Variants in SORL1 observed in about 807,000 individuals in gnomAD.
The protein encoded by SORL1 is sortilin-related receptor.
A neutral mutation model predicts 273.7 loss-of-function variants in SORL1; 127 were observed. That is an observed-to-expected ratio of 0.46 (90% CI 0.40 to 0.54). The LOEUF (loss-of-function observed/expected upper bound fraction) is 0.54. SORL1 is among the 20% of genes least tolerant of loss of function. The pLI is 0.00. For synonymous variants in SORL1, 1,031 were observed against 1,067.4 expected (o/e 0.97, Z 0.66); for missense variants, 2,494 against 2,846.1 (o/e 0.88, Z 2.81).
intron 7 of SORL1, 94 bp downstream of exon 7, chr11:121,513,198 A>G: frequency 1.1e-6 from 1 of 925,510 alleles, no homozygotes; most frequent in South Asian, 1.3e-5. Context: ...GCTGGAGTGG[A>G]TATTTTATGG....
chr11:121,539,659 G>T (rs191280656), intron 12 of SORL1, among the ~76,000 whole-genome samples: 3 of 151,652 alleles, frequency 2.0e-5, no homozygotes, highest in African/African-American at 7.3e-5. Flanking sequence ...GTTATTCAAA[G>T]ATTTTTTTCT....
chr11:121,611,451 A>AT, intron 39 of SORL1: 1 of 236,332 alleles, frequency 4.2e-6, no homozygotes, highest in African/African-American at 2.3e-5. Context: ...TTAACAGAAT[A>AT]TGTATGCCCT....
chr11:121,527,263 A>AT (rs967553965), intron 11 of SORL1, among the ~76,000 whole-genome samples: 1 of 151,598 alleles, frequency 6.6e-6, no homozygotes, highest in African/African-American at 2.4e-5. Flanking sequence ...TATTAAAATG[A>AT]TTTTTTTCTA....
At chr11:121,463,085 G>A (rs1861027272) in intron 1 of SORL1, among the ~76,000 whole-genome samples, 1 of 152,126 alleles carries the variant, frequency 6.6e-6, no homozygotes, top group Non-Finnish European at 1.5e-5. Context: ...GCTCTCTTGA[G>A]GGGGTATTTG....
At chr11:121,605,902 C>T (rs1368952729) in intron 35 of SORL1, among the ~76,000 whole-genome samples, 1 of 152,148 alleles carries the variant, frequency 6.6e-6, no homozygotes, top group African/African-American at 2.4e-5. Flanking sequence ...AAATATGAGG[C>T]ATATCAGCAA....
chr11:121,452,383 C>G lies in SORL1; in HGVS notation c.52C>G (p.Leu18Val). 1 of 1,549,898 alleles carries G rather than the reference C, an allele frequency of 6.5e-7. No individual in the cohort carries two copies. The highest frequency in any genetic ancestry group is 1.9e-5 in the Admixed American group (1 of 52,470). ...RESRLPFLFT[L>V]VALLPPGALC... ...GTCGCGACTCCCGTTCCTATTCACCCTGGTCGCACTGCTGCCGCCCGGAGC... is the reference window on the plus strand; with the variant it reads ...GTCGCGACTCCCGTTCCTATTCACCGTGGTCGCACTGCTGCCGCCCGGAGC... The change falls in exon 1 of 48, where the codon CTG (leucine) becomes GTG (valine). Residue 18 changes from leucine (L) to valine (V), a missense_variant. Physicochemically the swap from Leu to Val is conservative, Grantham distance 32. Transcript: ENST00000260197. The surrounding 1 kb of genome is among the most constrained non-coding windows in gnomAD (Gnocchi z 5.3).
At chr11:121,609,979 A>T (rs1033889825) in intron 38 of SORL1, 3 of 152,158 alleles carry the variant, frequency 2.0e-5, no homozygotes, top group African/African-American at 7.2e-5. Flanking sequence ...CAGCACTCGC[A>T]CTGTTTTGCT....
intron 1 of SORL1, among the ~76,000 whole-genome samples, chr11:121,456,465 A>G (rs1234659451): frequency 6.6e-6 from 1 of 152,218 alleles, no homozygotes. Context: ...TATAAAATGT[A>G]TTTGTAAGGA....
rs1863557060 is a variant in SORL1, at chr11:121,611,109, A to G, written c.5273A>G (p.Tyr1758Cys). 1.4e-5 allele frequency: 23 copies of G among 1,613,658 alleles called. No homozygotes were observed. Among genetic ancestry groups the G allele is most frequent in the Non-Finnish European group, 1.9e-5 (22 of 1,179,650 alleles). ...CCACCAGATATCCACATTGACAGCTATGGTGAAAATTATCTAAGCTTCACC... is the reference window on the plus strand; with the variant it reads ...CCACCAGATATCCACATTGACAGCTGTGGTGAAAATTATCTAAGCTTCACC... ...IPPPDIHIDS[Y>C]GENYLSFTLT... The change falls in exon 39 of 48, where the codon TAT becomes TGT. Residue 1758 changes from tyrosine (Y) to cysteine (C), a missense_variant. Coordinates refer to ENST00000260197, the MANE Select transcript of SORL1 (RefSeq NM_003105.6).
chr11:121,542,961 A>C (rs1280007578), intron 12 of SORL1, among the ~76,000 whole-genome samples: 5 of 151,124 alleles, frequency 3.3e-5, no homozygotes, highest in African/African-American at 4.9e-5. Flanking sequence ...GCGGATCACG[A>C]GGTCAGGAGG....
At chr11:121,515,628 G>GT (rs1208528423) in intron 8 of SORL1, among the ~76,000 whole-genome samples, 1 of 152,062 alleles carries the variant, frequency 6.6e-6, no homozygotes, top group Admixed American at 6.6e-5. Flanking sequence ...GAAGAACTTT[G>GT]TTTTTTTCTT....
chr11:121,474,897 CTG>C (rs1373335922), intron 2 of SORL1, among the ~76,000 whole-genome samples: 1 of 152,262 alleles, frequency 6.6e-6, no homozygotes, highest in East Asian at 1.9e-4. Context: ...AGATAGATAA[CTG>C]TGCACCAGCT....
chr11:121,588,355 C>G (rs552281470), intron 28 of SORL1, among the ~76,000 whole-genome samples: 2 of 152,148 alleles, frequency 1.3e-5, no homozygotes, highest in Admixed American at 6.5e-5. Context: ...GAAAGACTTT[C>G]TTTTGTTGCT....
Position 121,595,869 on chromosome 11 carries a change from G to A in SORL1, c.4519+97G>A, listed in dbSNP as rs532389271. 35 of 1,309,232 alleles carry A rather than the reference G, an allele frequency of 2.7e-5. No individual in the cohort carries two copies. The African/African-American group carries it at 4.0e-4, about 15-fold the overall frequency. The allele number at this position is 1,309,232 out of a possible 1,614,324, so 81.1% of individuals were successfully genotyped here. ...CATTTCTGGATCAGCACACGCCTGT[G>A]TGTGAGTCTGTGTACTTGCGTAACC... On this transcript the variant is annotated intron_variant, in intron 32 of 47. Transcript: ENST00000260197. This position sits in a 1 kb window ranked among gnomAD's most constrained non-coding sequence, Gnocchi z 5.1.
chr11:121,536,427 GT>G (rs1222441901), intron 12 of SORL1, among the ~76,000 whole-genome samples: 6,364 of 128,598 alleles, frequency 0.049, 191 homozygotes, highest in African/African-American at 0.098. Context: ...TTATCACTGT[GT>G]TTTTTTTTTT....
At chr11:121,615,657 G>C (rs370446977) in intron 41 of SORL1, among the ~76,000 whole-genome samples, 1 of 152,094 alleles carries the variant, frequency 6.6e-6, no homozygotes, top group Non-Finnish European at 1.5e-5. Context: ...AGTGATGAGC[G>C]GAGGAACTAG....
At chr11:121,582,686 C>CT (rs1256663080) in intron 25 of SORL1, among the ~76,000 whole-genome samples, 1 of 152,190 alleles carries the variant, frequency 6.6e-6, no homozygotes, top group Non-Finnish European at 1.5e-5. Flanking sequence ...TCACTAGCTT[C>CT]TTTTTTGCTT....
In SORL1 at chr11:121,532,491, T is replaced by G; in HGVS notation, c.1624T>G (p.Trp542Gly). 1 of 1,614,102 alleles carries G rather than the reference T, an allele frequency of 6.2e-7. No homozygotes were observed. Among genetic ancestry groups the G allele is most frequent in the Non-Finnish European group, 8.5e-7 (1 of 1,179,984 alleles). ...ACTTCCTGGACCTCACTACTACACA[T>G]GGGGAGACCACGGCGGAATCATCAC... ...EALPGPHYYTWGDHGGIITAI... is the reference protein window; with the variant it reads ...EALPGPHYYTGGDHGGIITAI... Residue 542 changes from tryptophan (W) to glycine (G), a missense_variant, in exon 12 of 48, where the codon TGG (tryptophan) becomes GGG (glycine). Coordinates refer to ENST00000260197, the MANE Select transcript of SORL1 (RefSeq NM_003105.6).
chr11:121,594,070 G>A (rs1591343821), intron 31 of SORL1, among the ~76,000 whole-genome samples: 1 of 151,644 alleles, frequency 6.6e-6, no homozygotes, highest in East Asian at 1.9e-4. Context: ...TTGTTCCACT[G>A]CCTTCAAGCA....
Sources: gnomAD v4.1 joint callset for allele counts (sites outside exome capture counted in the v4.1 genomes callset) on GRCh38, gnomAD v4.1.1 for gene constraint, Gnocchi (gnomAD v3.1) non-coding constraint, MANE v1.5 for transcripts, NCBI Gene and HGNC (gene_info 2026-07-23, HGNC 2026-07-21) for gene names.